The following LRMDA variants were observed in gnomAD, a reference collection of about 807,000 sequenced individuals.
LRMDA encodes the protein leucine rich melanocyte differentiation associated.
LRMDA carries 18 observed loss-of-function variants against 29.8 expected under a neutral mutation model. The ratio of observed to expected loss-of-function variants is 0.60; its 90% CI spans 0.42 to 0.90. LRMDA has a LOEUF of 0.90. LRMDA is among the 40% of genes least tolerant of loss of function. The pLI, the probability that LRMDA is intolerant of heterozygous loss-of-function variation, is 0.00. For missense variants in LRMDA, 273 were observed against 273.9 expected (o/e 1.00, Z 0.02); for synonymous variants, 125 against 109.4 (o/e 1.14, Z -0.89).
chr10:75,437,681 C>T (rs1388531918), intron 1 of LRMDA, among the ~76,000 whole-genome samples: 1 of 152,174 alleles, frequency 6.6e-6, no homozygotes, highest in Non-Finnish European at 1.5e-5. Flanking sequence ...TGGGCACATA[C>T]AGGTACTTAA....
intron 6 of LRMDA, among the ~76,000 whole-genome samples, chr10:76,555,980 GA>G (rs1843552300): frequency 6.6e-6 from 1 of 152,048 alleles, no homozygotes; most frequent in Non-Finnish European, 1.5e-5. Context: ...CTGTCCAACT[GA>G]ATTTAAAATA....
At chr10:75,886,592 C>T (rs1018390199) in intron 2 of LRMDA, among the ~76,000 whole-genome samples, 3 of 152,222 alleles carry the variant, frequency 2.0e-5, no homozygotes, top group Non-Finnish European at 4.4e-5. Flanking sequence ...TACACCCCCT[C>T]AGTCAACCAA....
intron 4 of LRMDA, among the ~76,000 whole-genome samples, chr10:76,049,792 C>T (rs570470296): frequency 6.6e-6 from 1 of 152,272 alleles, no homozygotes; most frequent in African/African-American, 2.4e-5. Context: ...GCCCTTCATC[C>T]ACAAAACACG....
chr10:76,459,389 G>A (rs1842489869), intron 6 of LRMDA, among the ~76,000 whole-genome samples: 1 of 152,118 alleles, frequency 6.6e-6, no homozygotes, highest in Non-Finnish European at 1.5e-5. Flanking sequence ...CGTCACTTGG[G>A]ACTGAAAATG....
At chr10:75,821,308 A>G (rs1445003026) in intron 2 of LRMDA, among the ~76,000 whole-genome samples, 2 of 152,244 alleles carry the variant, frequency 1.3e-5, no homozygotes, top group Non-Finnish European at 2.9e-5. Context: ...TAAAAAAGAT[A>G]GTATACTGTG....
chr10:76,205,668 G>A (rs956682764), intron 5 of LRMDA, among the ~76,000 whole-genome samples: 2 of 152,128 alleles, frequency 1.3e-5, no homozygotes, highest in Non-Finnish European at 2.9e-5. Flanking sequence ...ACTTTTCTTT[G>A]TGGGGGTGCG....
At chr10:76,511,162 A>G (rs189114954) in intron 6 of LRMDA, among the ~76,000 whole-genome samples, 20 of 152,282 alleles carry the variant, frequency 1.3e-4, no homozygotes, top group Admixed American at 1.0e-3. Context: ...GAGTGTATGG[A>G]AACATTTATT....
intron 2 of LRMDA, among the ~76,000 whole-genome samples, chr10:75,713,701 T>C (rs1353221465): frequency 6.6e-6 from 1 of 152,128 alleles, no homozygotes; most frequent in Non-Finnish European, 1.5e-5. Flanking sequence ...AGTTTGAGAG[T>C]CTTCTTTTCC....
At chr10:75,849,621 G>A (rs1407781769) in intron 2 of LRMDA, among the ~76,000 whole-genome samples, 3 of 152,116 alleles carry the variant, frequency 2.0e-5, no homozygotes, top group Non-Finnish European at 4.4e-5. Context: ...GTTGCGGGAG[G>A]GAGAGCATTA....
chr10:75,844,257 C>A (rs1380514571), intron 2 of LRMDA, among the ~76,000 whole-genome samples: 1 of 152,194 alleles, frequency 6.6e-6, no homozygotes, highest in African/African-American at 2.4e-5. Context: ...TATGTGGTTT[C>A]GTGTGGCTTT....
chr10:75,707,838 C>T (rs567667820), intron 2 of LRMDA, among the ~76,000 whole-genome samples: 29 of 152,152 alleles, frequency 1.9e-4, no homozygotes, highest in Admixed American at 6.5e-4. Context: ...GAGGTGGGGA[C>T]GGGGACTGGG....
At chr10:75,613,601 G>A (rs921362403) in intron 2 of LRMDA, among the ~76,000 whole-genome samples, 6 of 152,144 alleles carry the variant, frequency 3.9e-5, no homozygotes, top group Admixed American at 3.9e-4. Context: ...TAATGGTATG[G>A]TGTTTGCAGA....
intron 2 of LRMDA, among the ~76,000 whole-genome samples, chr10:75,922,181 G>A (rs559227044): frequency 2.2e-4 from 33 of 152,248 alleles, no homozygotes; most frequent in Middle Eastern, 3.4e-3. Flanking sequence ...CAAGAAGACC[G>A]CTTTTTAGGA....
intron 4 of LRMDA, among the ~76,000 whole-genome samples, chr10:76,049,405 G>A (rs1848494002): frequency 1.3e-5 from 2 of 152,290 alleles, no homozygotes; most frequent in South Asian, 2.1e-4. Flanking sequence ...TCAGGGACTA[G>A]GAACAGCACA....
intron 5 of LRMDA, among the ~76,000 whole-genome samples, chr10:76,283,555 A>T (rs1391855758): frequency 6.6e-6 from 1 of 152,200 alleles, no homozygotes; most frequent in African/African-American, 2.4e-5. Flanking sequence ...GTGGCCAGTG[A>T]TTGAATAATT....
At chr10:75,512,042 G>C (rs1429591937) in intron 2 of LRMDA, among the ~76,000 whole-genome samples, 2 of 152,208 alleles carry the variant, frequency 1.3e-5, no homozygotes, top group African/African-American at 4.8e-5. Flanking sequence ...TCATGTACCA[G>C]GTTTGTAGTA....
At chr10:75,817,202 C>T (rs567247785) in intron 2 of LRMDA, among the ~76,000 whole-genome samples, 9 of 152,246 alleles carry the variant, frequency 5.9e-5, no homozygotes, top group African/African-American at 9.6e-5. Context: ...TCTCCTGCTG[C>T]GGAGGGGCAT....
At chr10:76,359,711 T>G (rs1351414252) in intron 6 of LRMDA, among the ~76,000 whole-genome samples, 1 of 152,206 alleles carries the variant, frequency 6.6e-6, no homozygotes, top group African/African-American at 2.4e-5. Flanking sequence ...TCAGGTAGAC[T>G]TCTAATAGTC....
intron 6 of LRMDA, among the ~76,000 whole-genome samples, chr10:76,332,499 T>C (rs1423519119): frequency 6.6e-6 from 1 of 152,150 alleles, no homozygotes; most frequent in Non-Finnish European, 1.5e-5. Context: ...AAAAAATGGA[T>C]TTCAGTTTTC....
Sources: gnomAD v4.1 joint callset for allele counts (sites outside exome capture counted in the v4.1 genomes callset) on GRCh38, gnomAD v4.1.1 for gene constraint, MANE v1.5 for transcripts, NCBI Gene and HGNC (gene_info 2026-07-23, HGNC 2026-07-21) for gene names.